The following AZIN2 variants were observed in gnomAD, a reference collection of about 807,000 sequenced individuals.
AZIN2 encodes antizyme inhibitor 2.
In AZIN2, 28 loss-of-function variants were observed where a neutral mutation model predicts 47.8. That is an observed-to-expected ratio of 0.59 (90% CI 0.43 to 0.80). The LOEUF (loss-of-function observed/expected upper bound fraction) is 0.80. Ranked by LOEUF, AZIN2 falls within the 30% of genes least tolerant of loss-of-function variation. The pLI, the probability that AZIN2 is intolerant of heterozygous loss-of-function variation, is 0.00. For synonymous variants in AZIN2, 221 were observed against 239.4 expected, an observed-to-expected ratio of 0.92 and a Z score of 0.71; for missense variants, 535 against 582.5, an observed-to-expected ratio of 0.92 and a Z score of 0.84.
chr1:33,159,514 C>T, the AZIN2 span, among the ~76,000 whole-genome samples: 1 of 152,204 alleles, frequency 6.6e-6, no homozygotes, highest in African/African-American at 2.4e-5. The surrounding 1 kb of genome is among the most constrained non-coding windows in gnomAD (Gnocchi z 4.2). Context: ...GCCTCACTGG[C>T]TTCATACTCA....
At chr1:33,146,689 A>C in the AZIN2 span, 1 of 173,026 alleles carries the variant, frequency 5.8e-6, no homozygotes. Flanking sequence ...AGGACCAGGT[A>C]CTACCTGTGA....
chr1:33,165,411 C>T, the AZIN2 span: 1 of 1,461,172 alleles, frequency 6.8e-7, no homozygotes, highest in Non-Finnish European at 9.3e-7. This position sits in a 1 kb window ranked among gnomAD's most constrained non-coding sequence, Gnocchi z 4.0. Context: ...GCTGGCCCCG[C>T]CCCTCGAAGC....
At chr1:33,086,542 C>T (rs1641921065) in intron 5 of AZIN2, among the ~76,000 whole-genome samples, 1 of 152,238 alleles carries the variant, frequency 6.6e-6, no homozygotes, top group South Asian at 2.1e-4. Context: ...CTGCCCTCTT[C>T]TGGTCGTCTG....
At chr1:33,085,781 G>A (rs1641822320) in intron 5 of AZIN2, among the ~76,000 whole-genome samples, 1 of 152,150 alleles carries the variant, frequency 6.6e-6, no homozygotes, top group African/African-American at 2.4e-5. Context: ...ACCTCGTTTT[G>A]TGCATGTCTT....
At chr1:33,083,652 T>G in intron 4 of AZIN2, 1 of 415,478 alleles carries the variant, frequency 2.4e-6, no homozygotes, top group South Asian at 2.6e-5. Flanking sequence ...GACACAGGAG[T>G]GGGGAGGGTA....
the AZIN2 span, chr1:33,159,722 T>C: frequency 6.2e-7 from 1 of 1,611,280 alleles, no homozygotes; most frequent in Non-Finnish European, 8.5e-7. This position sits in a 1 kb window ranked among gnomAD's most constrained non-coding sequence, Gnocchi z 4.2. Context: ...GCCAGGAAGG[T>C]GTGCCGGTCG....
chr1:33,108,771 A>G (rs1388767845), intron 10 of AZIN2, among the ~76,000 whole-genome samples: 6 of 152,168 alleles, frequency 3.9e-5, no homozygotes, highest in Non-Finnish European at 8.8e-5. Flanking sequence ...CCATTCACCT[A>G]CTGAAGGACA....
chr1:33,147,470 G>A, the AZIN2 span: 4 of 1,613,848 alleles, frequency 2.5e-6, no homozygotes, highest in South Asian at 3.3e-5. This position sits in a 1 kb window ranked among gnomAD's most constrained non-coding sequence, Gnocchi z 8.1. Context: ...GGCTGGATCT[G>A]GATGCTGCCC....
chr1:33,095,967 A>C, intron 8 of AZIN2, among the ~76,000 whole-genome samples: 1 of 152,094 alleles, frequency 6.6e-6, no homozygotes, highest in Non-Finnish European at 1.5e-5. Context: ...CCTCCCAAGT[A>C]GCTAGGATTA....
Position 33,117,951 on chromosome 1 carries a change from C to G in AZIN2, c.1079C>G (p.Ala360Gly). 6.2e-7 allele frequency: 1 copy of G among 1,613,394 alleles called. No homozygotes were observed. Among genetic ancestry groups the G allele is most frequent in the Non-Finnish European group, 8.5e-7 (1 of 1,179,670 alleles). Residue 360 changes from alanine (A) to glycine (G), a missense_variant, in exon 11 of 12, where the codon GCG (alanine) becomes GGG (glycine). This residue lies in a region of AZIN2 where 122 missense variants were observed against 135.8 expected (regional missense o/e 0.90). Coordinates refer to ENST00000294517, the MANE Select transcript of AZIN2 (RefSeq NM_052998.4). Reference protein sequence around the residue: ...PLYSSSLWGPAVDGCDCVAEG... With the variant: ...PLYSSSLWGPGVDGCDCVAEG... ...TACAGCAGCAGCCTGTGGGGCCCGG[C>G]GGTTGATGGCTGTGATTGCGTGGCT...
intron 10 of AZIN2, among the ~76,000 whole-genome samples, chr1:33,104,929 T>C (rs770749871): frequency 6.6e-6 from 1 of 152,142 alleles, no homozygotes; most frequent in Non-Finnish European, 1.5e-5. Flanking sequence ...GAGCTCCTTG[T>C]TTTGTTCAAG....
In AZIN2 at chr1:33,122,654, G is replaced by A. The variant is rs1644816531; in HGVS notation, c.*2472G>A. Among the ~76,000 whole-genome samples, 1 of 152,120 alleles carries A rather than the reference G, an allele frequency of 6.6e-6. No homozygotes were observed. Among genetic ancestry groups the A allele is most frequent in the Non-Finnish European group, 1.5e-5 (1 of 68,022 alleles). On this transcript the variant is annotated 3_prime_UTR_variant, in exon 12 of 12. Transcript: ENST00000294517. ...CCTGCTGAGCGACCCACTGGCAGTG[G>A]CTCCTCATGCCTCCTGGCTGCCTTG...
chr1:33,147,504 C>A, the AZIN2 span: 1 of 1,613,332 alleles, frequency 6.2e-7, no homozygotes, highest in African/African-American at 1.3e-5. This position sits in a 1 kb window ranked among gnomAD's most constrained non-coding sequence, Gnocchi z 8.1. Context: ...CTTCGTGTGC[C>A]AGCCCGATCA....
At chr1:33,159,228 A>G in the AZIN2 span, among the ~76,000 whole-genome samples, 1 of 152,136 alleles carries the variant, frequency 6.6e-6, no homozygotes, top group Non-Finnish European at 1.5e-5. This position sits in a 1 kb window ranked among gnomAD's most constrained non-coding sequence, Gnocchi z 4.2. Flanking sequence ...AGTAATATAA[A>G]GCCTTTATAT....
At chr1:33,107,611 T>G (rs1644078834) in intron 10 of AZIN2, among the ~76,000 whole-genome samples, 1 of 151,932 alleles carries the variant, frequency 6.6e-6, no homozygotes. Flanking sequence ...ACAAAAAAAC[T>G]CTAAAGACTT....
At chr1:33,104,786 C>A (rs1388360449) in intron 10 of AZIN2, among the ~76,000 whole-genome samples, 1 of 152,172 alleles carries the variant, frequency 6.6e-6, no homozygotes, top group Non-Finnish European at 1.5e-5. Flanking sequence ...GTAGCCTCCA[C>A]CTCCGAGGCT....
At chr1:33,138,926 A>G in the AZIN2 span, among the ~76,000 whole-genome samples, 1 of 152,242 alleles carries the variant, frequency 6.6e-6, no homozygotes, top group Non-Finnish European at 1.5e-5. Flanking sequence ...CAGAACACAT[A>G]GAAAGATGGA....
chr1:33,123,809 CA>C (rs1374591012), downstream of AZIN2, among the ~76,000 whole-genome samples: 1 of 152,076 alleles, frequency 6.6e-6, no homozygotes, highest in South Asian at 2.1e-4. Context: ...CCAGCCTGGC[CA>C]AAACAGTGAA....
rs1316373246 is a variant in AZIN2, at chr1:33,123,206, T to C, written c.*3024T>C. Reference sequence around the variant, plus strand: ...CTGGATCACCCTTTAGAAAATAGCATGTCCTAGTCTCTCTCTTTTCTCTTA... The same window carrying C: ...CTGGATCACCCTTTAGAAAATAGCACGTCCTAGTCTCTCTCTTTTCTCTTA... On this transcript the variant is annotated 3_prime_UTR_variant, in exon 12 of 12. Transcript: ENST00000294517. Among the ~76,000 whole-genome samples, 1 of 152,238 alleles carries C rather than the reference T, an allele frequency of 6.6e-6. No individual in the cohort carries two copies. The highest frequency in any genetic ancestry group is 2.1e-4 in the South Asian group (1 of 4,834).
Sources: allele counts gnomAD v4.1 joint callset (sites outside exome capture counted in the v4.1 genomes callset), GRCh38; gene constraint gnomAD v4.1.1; regional missense constraint gnomAD v4.1.1; non-coding constraint Gnocchi (gnomAD v3.1); transcripts MANE v1.5; gene names NCBI Gene and HGNC (gene_info 2026-07-23, HGNC 2026-07-21).